TET1: variants seen among roughly 807,000 people sequenced by gnomAD.
The protein encoded by TET1 is tet methylcytosine dioxygenase 1.
In TET1, 13 loss-of-function variants were observed where a neutral mutation model predicts 148.7. That is an observed-to-expected ratio of 0.09 (90% CI 0.06 to 0.14). The LOEUF (loss-of-function observed/expected upper bound fraction) is 0.14, where lower values mean the gene tolerates loss of function less well. Ranked by LOEUF, TET1 falls within the 10% of genes least tolerant of loss-of-function variation. The probability of loss-of-function intolerance (pLI) is 1.00; values close to 1 mark genes in which losing one functional copy is unlikely to be tolerated. For synonymous variants in TET1, 907 were observed against 937.2 expected, an observed-to-expected ratio of 0.97 and a Z score of 0.59; for missense variants, 2,182 against 2,553.8, an observed-to-expected ratio of 0.85 and a Z score of 3.14.
chr10:68,600,631 T>C (rs1452749508), intron 2 of TET1, among the ~76,000 whole-genome samples: 1 of 152,168 alleles, frequency 6.6e-6, no homozygotes, highest in Non-Finnish European at 1.5e-5. Context: ...AACACCATGA[T>C]AATAATACCA....
At chr10:68,610,986 A>G (rs1245068185) in intron 3 of TET1, among the ~76,000 whole-genome samples, 2 of 152,154 alleles carry the variant, frequency 1.3e-5, no homozygotes, top group African/African-American at 2.4e-5. Context: ...GGTGTAATTT[A>G]TGTTCATAAG....
intron 3 of TET1, among the ~76,000 whole-genome samples, chr10:68,634,922 T>C (rs1367389004): frequency 1.3e-5 from 2 of 151,886 alleles, no homozygotes; most frequent in Non-Finnish European, 2.9e-5. Context: ...CCACCATGCC[T>C]GGCTAATTTT....
chr10:68,584,563 G>A (rs1441411256), intron 2 of TET1, among the ~76,000 whole-genome samples: 1 of 150,188 alleles, frequency 6.7e-6, no homozygotes, highest in Non-Finnish European at 1.5e-5. Context: ...GCAAAAATTA[G>A]CCAGGCGTGG....
At chr10:68,647,370 G>A (rs1043334699) in intron 4 of TET1, among the ~76,000 whole-genome samples, 3 of 152,288 alleles carry the variant, frequency 2.0e-5, no homozygotes, top group South Asian at 2.1e-4. Context: ...TTGGGAGGCC[G>A]AGTCAGATGG....
At chr10:68,632,382 G>C (rs1285266970) in intron 3 of TET1, 4 of 1,605,382 alleles carry the variant, frequency 2.5e-6, no homozygotes, top group Non-Finnish European at 3.4e-6. Flanking sequence ...TGGCCTCCAC[G>C]CCGGAGCCCG....
At position 68,609,454 on chromosome 10, in the gene TET1, C is replaced by T. The variant is rs2054175997; in HGVS notation, c.1968+8420C>T. Among the ~76,000 whole-genome samples the T allele has an allele frequency of 2.6e-5, 4 of 152,184 alleles. No individual in the cohort carries two copies. In the South Asian group the frequency reaches 8.3e-4, roughly 32 times the overall value. On this transcript the variant is annotated intron_variant, in intron 3 of 11. Transcript: ENST00000373644. ...GGGATTACAGGCATGAGCCACTGCC[C>T]CCGGCCAAGCCTGACTATTTTTAAA... is the stretch of plus-strand genomic sequence containing the variant.
At chr10:68,641,880 C>G (rs188095918) in intron 3 of TET1, among the ~76,000 whole-genome samples, 1 of 152,126 alleles carries the variant, frequency 6.6e-6, no homozygotes. Context: ...CTCACTGCAG[C>G]CTTGAACTCC....
intron 3 of TET1, among the ~76,000 whole-genome samples, chr10:68,617,736 G>C (rs1189627010): frequency 6.6e-6 from 1 of 151,818 alleles, no homozygotes; most frequent in East Asian, 1.9e-4. Context: ...AGTAGAGGCG[G>C]GGTTTCACCA....
chr10:68,585,970 T>C (rs2053856466), intron 2 of TET1, among the ~76,000 whole-genome samples: 1 of 149,136 alleles, frequency 6.7e-6, no homozygotes, highest in Admixed American at 6.8e-5. Context: ...ATAGCGCCAC[T>C]GTACTCCAGT....
chr10:68,611,888 G>A (rs1165701719), intron 3 of TET1, among the ~76,000 whole-genome samples: 1 of 147,310 alleles, frequency 6.8e-6, no homozygotes, highest in African/African-American at 2.5e-5. Context: ...GAGGGAGGGA[G>A]GGGAGAAAGG....
Position 68,572,902 on chromosome 10 carries a change from A to C in TET1, c.564A>C (p.Thr188=), listed in dbSNP as rs763672653. 4.3e-6 allele frequency: 7 copies of C among 1,614,164 alleles called. No homozygotes were observed. In the South Asian group the frequency reaches 6.6e-5, roughly 15 times the overall value. The stretch of plus-strand genomic sequence containing the variant: ...TACTTAAAGGTAAGAGCCAAGAGAC[A>C]ACTCAGTTTTGGTCCCAAAGAGTTG... ...PSLLKGKSQE[T]TQFWSQRVED... is the part of the protein sequence containing the mutation. The change falls in exon 2 of 12, where the codon ACA becomes ACC. Residue 188 remains threonine, a synonymous_variant. Transcript: ENST00000373644.
intron 2 of TET1, among the ~76,000 whole-genome samples, chr10:68,578,909 T>C (rs1168382249): frequency 6.6e-6 from 1 of 152,014 alleles, no homozygotes; most frequent in African/African-American, 2.4e-5. Context: ...CCCAGCTACT[T>C]GGGATGCTGA....
At chr10:68,652,188 T>C (rs1013671129) in intron 5 of TET1, among the ~76,000 whole-genome samples, 1 of 152,188 alleles carries the variant, frequency 6.6e-6, no homozygotes, top group African/African-American at 2.4e-5. Context: ...GTACTTTTTA[T>C]ATATCGCATA....
intron 1 of TET1, among the ~76,000 whole-genome samples, chr10:68,562,566 A>G (rs1407521111): frequency 6.6e-6 from 1 of 152,188 alleles, no homozygotes; most frequent in East Asian, 1.9e-4. Flanking sequence ...TTTCAATTAA[A>G]TTTCAGAATC....
Position 68,686,458 on chromosome 10 carries a change from T to C in TET1, c.5155T>C (p.Phe1719Leu). Reference sequence around the variant, plus strand: ...TTATAAGCTTTCAGACACAGATGAGTTTGGCTCCAAGGAAGGAATGGAAGC... The same window carrying C: ...TTATAAGCTTTCAGACACAGATGAGCTTGGCTCCAAGGAAGGAATGGAAGC... Reference protein sequence around the residue: ...PLYKLSDTDEFGSKEGMEAKI... With the variant: ...PLYKLSDTDELGSKEGMEAKI... The change falls in exon 11 of 12, where the codon TTT becomes CTT. Residue 1719 changes from phenylalanine (F) to leucine (L), a missense_variant. By Grantham distance (22) the Phe-to-Leu change is conservative (BLOSUM62 0). Around this residue, in one of 11 missense-constraint regions of TET1, gnomAD observed 380 missense variants for 387.9 expected, o/e 0.98. Transcript: ENST00000373644. 5 of 1,614,114 alleles carry C rather than the reference T, an allele frequency of 3.1e-6. No homozygotes were observed.
At chr10:68,602,120 T>G (rs1365011997) in intron 3 of TET1, among the ~76,000 whole-genome samples, 2 of 152,238 alleles carry the variant, frequency 1.3e-5, no homozygotes, top group African/African-American at 4.8e-5. Context: ...TGTACCTGTT[T>G]CATCAACCAA....
intron 6 of TET1, among the ~76,000 whole-genome samples, chr10:68,663,821 C>T (rs1192869765): frequency 6.6e-6 from 1 of 152,122 alleles, no homozygotes; most frequent in African/African-American, 2.4e-5. Context: ...TTTTCTGTTT[C>T]CTATATGCAT....
At chr10:68,584,897 T>C (rs182454971) in intron 2 of TET1, among the ~76,000 whole-genome samples, 1 of 151,772 alleles carries the variant, frequency 6.6e-6, no homozygotes, top group East Asian at 2.0e-4. Flanking sequence ...CTAAGCTCAC[T>C]GCAACCTCCG....
intron 1 of TET1, among the ~76,000 whole-genome samples, chr10:68,561,640 C>T (rs1405562131): frequency 6.6e-6 from 1 of 152,016 alleles, no homozygotes; most frequent in Non-Finnish European, 1.5e-5. Context: ...GAGGCGGCCG[C>T]ACAACCTACC....
Sources: gnomAD v4.1 joint callset for allele counts (sites outside exome capture counted in the v4.1 genomes callset) on GRCh38, gnomAD v4.1.1 for gene constraint, gnomAD v4.1.1 regional missense constraint, MANE v1.5 for transcripts, NCBI Gene and HGNC (gene_info 2026-07-23, HGNC 2026-07-21) for gene names.